CNTN4: variants seen among roughly 807,000 people sequenced by gnomAD.
CNTN4 encodes contactin-4.
CNTN4 carries 77 observed loss-of-function variants against 122.5 expected under a neutral mutation model. The ratio of observed to expected loss-of-function variants is 0.63; its 90% CI spans 0.52 to 0.76. The LOEUF (loss-of-function observed/expected upper bound fraction) is 0.76, where lower values mean the gene tolerates loss of function less well. Among genes scored for constraint, CNTN4 ranks in the 30% least tolerant of loss-of-function variants. The pLI, the probability that CNTN4 is intolerant of heterozygous loss-of-function variation, is 0.00. For missense variants in CNTN4, 1,256 were observed against 1,259.1 expected, an observed-to-expected ratio of 1.00 and a Z score of 0.04; for synonymous variants, 512 against 447.0, an observed-to-expected ratio of 1.15 and a Z score of -1.83.
rs542442249 is a variant in CNTN4, at chr3:2,307,489, C to T, written c.-144-31689C>T. ...CATTCTTGTCTTCTTTTTGATCTCACGGGAAAAGCTTTCATCTTTTACTGA... is the reference window on the plus strand; with the variant it reads ...CATTCTTGTCTTCTTTTTGATCTCATGGGAAAAGCTTTCATCTTTTACTGA... On this transcript the variant is annotated intron_variant, in intron 2 of 24. Coordinates refer to ENST00000418658, the MANE Select transcript of CNTN4 (RefSeq NM_175607.3). Among the ~76,000 whole-genome samples the T allele has an allele frequency of 3.5e-3, 524 of 151,634 alleles. 3 individuals carry two copies. Among genetic ancestry groups the T allele is most frequent in the African/African-American group, 0.012 (498 of 41,390 alleles).
At chr3:2,803,719 C>T (rs1254274023) in intron 6 of CNTN4, among the ~76,000 whole-genome samples, 1 of 151,982 alleles carries the variant, frequency 6.6e-6, no homozygotes, top group African/African-American at 2.4e-5. Flanking sequence ...GCCACCACGC[C>T]TGGCTAATTT....
chr3:2,525,063 A>C (rs1482672692), intron 3 of CNTN4, among the ~76,000 whole-genome samples: 3 of 152,144 alleles, frequency 2.0e-5, no homozygotes, highest in Non-Finnish European at 4.4e-5. Context: ...AGTTGGAATT[A>C]GATCTTCACT....
At chr3:2,698,953 G>A (rs1341780469) in intron 4 of CNTN4, among the ~76,000 whole-genome samples, 1 of 152,134 alleles carries the variant, frequency 6.6e-6, no homozygotes, top group Admixed American at 6.5e-5. Context: ...AACCCGGGAG[G>A]TGGAGGTTGC....
At chr3:2,536,373 TGACTGGTGGTG>T (rs1559204926) in intron 3 of CNTN4, among the ~76,000 whole-genome samples, 5 of 152,150 alleles carry the variant, frequency 3.3e-5, no homozygotes, top group African/African-American at 1.2e-4. Flanking sequence ...ATCTCCCCAG[TGACTGGTGGTG>T]ATATTTGACT....
intron 3 of CNTN4, among the ~76,000 whole-genome samples, chr3:2,548,715 A>G (rs2078352200): frequency 6.6e-6 from 1 of 152,136 alleles, no homozygotes; most frequent in Non-Finnish European, 1.5e-5. Flanking sequence ...TTGTGAAGAA[A>G]GTCAATGGTA....
At chr3:2,206,240 C>G (rs1206186300) in intron 2 of CNTN4, among the ~76,000 whole-genome samples, 1 of 152,064 alleles carries the variant, frequency 6.6e-6, no homozygotes, top group East Asian at 1.9e-4. Context: ...AAGTTAGGGT[C>G]AAAGCTAATA....
At chr3:2,850,939 T>G (rs2093539484) in intron 7 of CNTN4, among the ~76,000 whole-genome samples, 1 of 152,174 alleles carries the variant, frequency 6.6e-6, no homozygotes, top group Admixed American at 6.5e-5. Context: ...CAACTAGAAA[T>G]GCTGGCAATT....
intron 3 of CNTN4, among the ~76,000 whole-genome samples, chr3:2,357,697 G>C (rs1309741317): frequency 6.6e-6 from 1 of 152,174 alleles, no homozygotes; most frequent in East Asian, 1.9e-4. Context: ...ATTTATTAAG[G>C]ACCTTTCCAG....
At position 2,289,606 on chromosome 3, in the gene CNTN4, G is replaced by A. The variant is rs116074944; in HGVS notation, c.-144-49572G>A. On this transcript the variant is annotated intron_variant, in intron 2 of 24. Transcript: ENST00000418658. ...GAGGAAGATTGGATTACATAAGATG[G>A]TCTTCCTGTCCCTTCAAATCAACTT... Among the ~76,000 whole-genome samples the A allele has an allele frequency of 8.1e-3, 1,232 of 152,244 alleles. 19 individuals are homozygous for A. Among genetic ancestry groups the A allele is most frequent in the African/African-American group, 0.028 (1,166 of 41,540 alleles).
Position 2,627,731 on chromosome 3 carries a change from G to A in CNTN4, c.55+56173G>A, listed in dbSNP as rs977563278. Among the ~76,000 whole-genome samples the A allele has an allele frequency of 1.2e-4, 19 of 152,124 alleles. No individual in the cohort carries two copies. In the East Asian group the frequency reaches 3.5e-3, roughly 28 times the overall value. ...GATGGTCTCGATCTCCTGACCTTGT[G>A]ATCTGCCCGCCTCGGCCTCCCAAAG... On this transcript the variant is annotated intron_variant, in intron 4 of 24. Transcript: ENST00000418658.
intron 2 of CNTN4, among the ~76,000 whole-genome samples, chr3:2,323,962 A>G (rs1214442973): frequency 6.6e-6 from 1 of 152,310 alleles, no homozygotes; most frequent in South Asian, 2.1e-4. Flanking sequence ...GGTTATTCCT[A>G]GAGAAGGGCT....
At chr3:2,626,546 T>C (rs2082198432) in intron 4 of CNTN4, among the ~76,000 whole-genome samples, 1 of 151,806 alleles carries the variant, frequency 6.6e-6, no homozygotes, top group Non-Finnish European at 1.5e-5. Context: ...ATTTTTCATA[T>C]GGGTAAAAAG....
At chr3:2,747,266 G>C (rs139541139) in intron 6 of CNTN4, among the ~76,000 whole-genome samples, 1 of 149,206 alleles carries the variant, frequency 6.7e-6, no homozygotes, top group Non-Finnish European at 1.5e-5. Context: ...AAAATTAGCC[G>C]GGCGCAGTGG....
At chr3:3,021,767 G>A (rs1374228097) in intron 14 of CNTN4, among the ~76,000 whole-genome samples, 3 of 152,168 alleles carry the variant, frequency 2.0e-5, no homozygotes, top group African/African-American at 7.2e-5. Flanking sequence ...GGACCCAAAA[G>A]CACTTATTTT....
At chr3:2,922,507 T>G (rs1315447882) in intron 12 of CNTN4, among the ~76,000 whole-genome samples, 1 of 152,074 alleles carries the variant, frequency 6.6e-6, no homozygotes, top group Non-Finnish European at 1.5e-5. Context: ...CAATTTTCCC[T>G]TAAAAGTACC....
intron 2 of CNTN4, among the ~76,000 whole-genome samples, chr3:2,199,699 G>C (rs1430293642): frequency 6.6e-6 from 1 of 152,138 alleles, no homozygotes; most frequent in Non-Finnish European, 1.5e-5. Flanking sequence ...GTGCATTTCT[G>C]TGAAGAAGAC....
At chr3:2,282,975 G>A (rs1244426044) in intron 2 of CNTN4, among the ~76,000 whole-genome samples, 3 of 152,120 alleles carry the variant, frequency 2.0e-5, no homozygotes, top group Admixed American at 2.0e-4. Context: ...GTAGATTAGA[G>A]GTTCCTAGGA....
At chr3:2,695,371 C>T (rs2149219540) in intron 4 of CNTN4, among the ~76,000 whole-genome samples, 1 of 152,314 alleles carries the variant, frequency 6.6e-6, no homozygotes, top group East Asian at 1.9e-4. Flanking sequence ...CCCTCTTATG[C>T]ACAGCACCTT....
At chr3:2,627,210 C>T (rs2082225698) in intron 4 of CNTN4, among the ~76,000 whole-genome samples, 1 of 152,152 alleles carries the variant, frequency 6.6e-6, no homozygotes, top group African/African-American at 2.4e-5. Flanking sequence ...ATGTATGTTG[C>T]ATCTTTGCAC....
Sources: allele counts gnomAD v4.1 joint callset (sites outside exome capture counted in the v4.1 genomes callset), GRCh38; gene constraint gnomAD v4.1.1; transcripts MANE v1.5; gene names NCBI Gene and HGNC (gene_info 2026-07-23, HGNC 2026-07-21).